CD72: variants seen among roughly 807,000 people sequenced by gnomAD.
The protein encoded by CD72 is CD72 molecule, also known as B-cell differentiation antigen CD72.
Under a neutral mutation model 50.7 loss-of-function variants are expected in CD72, and 28 were observed. The observed-to-expected ratio is 0.55, with a 90% CI of 0.41 to 0.76. The LOEUF is 0.76. Among genes scored for constraint, CD72 ranks in the 30% least tolerant of loss-of-function variants. The pLI is 0.00. For missense variants in CD72, 403 were observed against 420.6 expected (o/e 0.96, Z 0.37); for synonymous variants, 176 against 171.2 (o/e 1.03, Z -0.22).
intron 1 of CD72, among the ~76,000 whole-genome samples, chr9:35,636,135 A>T (rs2131786897): frequency 6.6e-6 from 1 of 152,246 alleles, no homozygotes; most frequent in East Asian, 1.9e-4. Flanking sequence ...TATTGTGAGT[A>T]GCTGACCTGA....
At chr9:35,641,666 G>C (rs957083399) in intron 1 of CD72, among the ~76,000 whole-genome samples, 11 of 152,246 alleles carry the variant, frequency 7.2e-5, no homozygotes, top group Admixed American at 5.9e-4. Flanking sequence ...GTTTCCTGGA[G>C]GGGATTACCT....
At position 35,617,997 on chromosome 9, in the gene CD72, C is replaced by T. The variant is rs1160170578; in HGVS notation, c.190+17G>A. The T allele has an allele frequency of 1.4e-6, 2 of 1,474,828 alleles. No individual in the cohort carries two copies. Among genetic ancestry groups the T allele is most frequent in the Non-Finnish European group, 1.9e-6 (2 of 1,053,098 alleles). The allele number at this position is 1,474,828 out of a possible 1,614,324, so 91.4% of individuals were successfully genotyped here. Reference sequence around the variant, plus strand: ...CACAGCCCCCCAACAAACACACATCCCCCAGGCTCTCCAGACCTGCTTTGT... The same window carrying T: ...CACAGCCCCCCAACAAACACACATCTCCCAGGCTCTCCAGACCTGCTTTGT... On this transcript the variant is annotated intron_variant, in intron 2 of 8. Coordinates refer to ENST00000259633, the MANE Select transcript of CD72 (RefSeq NM_001782.3).
upstream of CD72, chr9:35,619,465 C>T (rs1481240289): frequency 2.6e-5 from 4 of 152,294 alleles, no homozygotes; most frequent in Non-Finnish European, 5.9e-5. Context: ...CAGAATCCCC[C>T]TCCTGCAGCT....
At chr9:35,614,876 A>G (rs1823042924) in intron 5 of CD72, among the ~76,000 whole-genome samples, 1 of 152,098 alleles carries the variant, frequency 6.6e-6, no homozygotes, top group African/African-American at 2.4e-5. Flanking sequence ...ATGGGCTCCA[A>G]ACCCATGTTA....
intron 4 of CD72, 103 bp downstream of exon 4, chr9:35,616,497 G>A (rs1345579130): frequency 2.0e-6 from 2 of 1,021,658 alleles, no homozygotes; most frequent in Admixed American, 1.8e-5. Flanking sequence ...CTAAGGAGGT[G>A]GTGGTAGTGA....
In CD72 at chr9:35,616,826, T is replaced by C. The variant is rs573002185; in HGVS notation, c.263-137A>G. On this transcript the variant is annotated intron_variant, in intron 3 of 8. Coordinates refer to ENST00000259633, the MANE Select transcript of CD72 (RefSeq NM_001782.3). The stretch of plus-strand genomic sequence containing the variant: ...CGGTGCAGAGCTGAGGGGGCAAGCA[T>C]GGTGGTTTCTGTCGGGTAGCGGGGT... 55 of 946,012 alleles carry C rather than the reference T, an allele frequency of 5.8e-5. No individual in the cohort carries two copies. The South Asian group carries it at 7.9e-4, about 14-fold the overall frequency. The allele number at this position is 946,012 out of a possible 1,614,324, so 58.6% of individuals were successfully genotyped here.
At chr9:35,622,792 A>ATAATAAT (rs1554649024), upstream of CD72, among the ~76,000 whole-genome samples, 21 of 150,838 alleles carry the variant, frequency 1.4e-4, no homozygotes, top group African/African-American at 4.6e-4. Flanking sequence ...GTCTCAAAAA[A>ATAATAAT]AATAATAATA....
chr9:35,625,662 G>A (rs1823189481), intron 1 of CD72, among the ~76,000 whole-genome samples: 2 of 152,180 alleles, frequency 1.3e-5, no homozygotes, highest in Admixed American at 6.5e-5. Flanking sequence ...GTCAGTGCCT[G>A]GCTTCAAATC....
intron 1 of CD72, among the ~76,000 whole-genome samples, chr9:35,629,069 G>A (rs1823220542): frequency 6.6e-6 from 1 of 151,772 alleles, no homozygotes; most frequent in Admixed American, 6.6e-5. Context: ...AAGAGATGGG[G>A]GTCTCTCTAG....
chr9:35,636,666 T>C (rs1365086454), intron 1 of CD72, among the ~76,000 whole-genome samples: 1 of 152,178 alleles, frequency 6.6e-6, no homozygotes, highest in Non-Finnish European at 1.5e-5. Flanking sequence ...TTAAGAACTT[T>C]CTGGCCGGGC....
At chr9:35,611,533 A>G (rs1269274955) in intron 7 of CD72, among the ~76,000 whole-genome samples, 2 of 152,184 alleles carry the variant, frequency 1.3e-5, no homozygotes, top group Non-Finnish European at 2.9e-5. Flanking sequence ...CTAAATCCTT[A>G]ATGTCTCCCC....
chr9:35,616,725 C>T (rs1311598820), intron 3 of CD72, 36 bp from the exon 4 acceptor site: 3 of 1,544,308 alleles, frequency 1.9e-6, no homozygotes, highest in African/African-American at 1.4e-5. Flanking sequence ...GGGCAGTCAG[C>T]CCCCGTAAAG....
chr9:35,612,819 C>T (rs1391082427), intron 6 of CD72, 29 bp downstream of exon 6: 2 of 1,609,398 alleles, frequency 1.2e-6, no homozygotes, highest in Non-Finnish European at 8.5e-7. Flanking sequence ...ATAGTACCCA[C>T]TGCAGTCTGT....
At chr9:35,629,710 C>A (rs1208927480) in intron 1 of CD72, among the ~76,000 whole-genome samples, 2 of 152,218 alleles carry the variant, frequency 1.3e-5, no homozygotes, top group Non-Finnish European at 2.9e-5. Context: ...AAGTCAGTCT[C>A]TGCCCGCCTC....
At chr9:35,630,379 T>C (rs1385990937) in intron 1 of CD72, among the ~76,000 whole-genome samples, 3 of 152,200 alleles carry the variant, frequency 2.0e-5, no homozygotes, top group Non-Finnish European at 4.4e-5. Flanking sequence ...ATTTTCCCTA[T>C]CAAAATCTTT....
At chr9:35,633,895 G>A (rs981651841) in intron 1 of CD72, among the ~76,000 whole-genome samples, 14 of 152,126 alleles carry the variant, frequency 9.2e-5, no homozygotes, top group African/African-American at 3.1e-4. Context: ...TCTGTATATA[G>A]CCTCTGGTTT....
At chr9:35,625,393 A>C (rs140979003) in intron 1 of CD72, among the ~76,000 whole-genome samples, 1 of 152,336 alleles carries the variant, frequency 6.6e-6, no homozygotes, top group African/African-American at 2.4e-5. Flanking sequence ...GGCTGAGAGA[A>C]TTGAGGAGGC....
At chr9:35,634,118 G>GT (rs1263689160) in intron 1 of CD72, among the ~76,000 whole-genome samples, 1 of 151,778 alleles carries the variant, frequency 6.6e-6, no homozygotes, top group Non-Finnish European at 1.5e-5. Flanking sequence ...TTGTTTTAAA[G>GT]TTTTTTTATA....
At chr9:35,645,983 C>T (rs1823388941) in intron 1 of CD72, among the ~76,000 whole-genome samples, 1 of 151,948 alleles carries the variant, frequency 6.6e-6, no homozygotes, top group African/African-American at 2.4e-5. Flanking sequence ...ATGGCGAAAC[C>T]CTCTCTCTAC....
Sources: gnomAD v4.1 joint callset for allele counts (sites outside exome capture counted in the v4.1 genomes callset) on GRCh38, gnomAD v4.1.1 for gene constraint, MANE v1.5 for transcripts, NCBI Gene and HGNC (gene_info 2026-07-23, HGNC 2026-07-21) for gene names.